SLC25A48: variants seen among roughly 807,000 people sequenced by gnomAD.
The protein encoded by SLC25A48 is CTC-321K16.1.
SLC25A48 carries 29 observed loss-of-function variants against 32.2 expected under a neutral mutation model. The observed-to-expected ratio is 0.90, with a 90% CI of 0.67 to 1.23. The LOEUF (loss-of-function observed/expected upper bound fraction) is 1.23. SLC25A48 is among the 50% of genes most tolerant of loss of function. The pLI is 0.00. For missense variants in SLC25A48, 399 were observed against 422.7 expected (o/e 0.94, Z 0.49); for synonymous variants, 164 against 172.3 (o/e 0.95, Z 0.38).
At position 135,780,288 on chromosome 5, in the gene SLC25A48, G is replaced by A. The variant is rs1341436668; in HGVS notation, c.-520-32235G>A. Among the ~76,000 whole-genome samples the A allele has an allele frequency of 1.8e-5, 2 of 111,698 alleles. 1 individual carries two copies. The highest frequency in any genetic ancestry group is 5.4e-5 in the African/African-American group (2 of 37,052). The allele number at this position is 111,698 out of a possible 152,430, so 73.3% of individuals were successfully genotyped here. On this transcript the variant is annotated intron_variant, in intron 3 of 10. Transcript: ENST00000646290. ...TTTTTAGTAGAGACGGGGTTTCACC[G>A]TGTTAGCCAGGATGGTCTTGATCTC...
intron 2 of SLC25A48, among the ~76,000 whole-genome samples, chr5:135,847,244 T>C (rs1201744415): frequency 1.3e-5 from 2 of 152,178 alleles, no homozygotes; most frequent in Non-Finnish European, 2.9e-5. Flanking sequence ...CCTAACACTA[T>C]GTATAGGTCA....
At chr5:135,836,380 T>C (rs531373911) in intron 1 of SLC25A48, among the ~76,000 whole-genome samples, 1 of 151,676 alleles carries the variant, frequency 6.6e-6, no homozygotes, top group East Asian at 1.9e-4. Context: ...TTGGCTTCCA[T>C]GAAATGATGG....
At chr5:135,801,309 A>T (rs1287415908) in intron 3 of SLC25A48, among the ~76,000 whole-genome samples, 1 of 150,958 alleles carries the variant, frequency 6.6e-6, no homozygotes, top group African/African-American at 2.4e-5. Context: ...CAGGGGGTGT[A>T]TACTCCCCTG....
At chr5:135,818,372 T>C (rs946094699) in intron 4 of SLC25A48, among the ~76,000 whole-genome samples, 26 of 152,158 alleles carry the variant, frequency 1.7e-4, no homozygotes, top group African/African-American at 6.3e-4. Flanking sequence ...GAGTTATGCA[T>C]GAGTGGGATA....
chr5:135,598,706 CAT>C (rs1454353164), intron 1 of SLC25A48, among the ~76,000 whole-genome samples: 20 of 152,268 alleles, frequency 1.3e-4, no homozygotes, highest in African/African-American at 2.9e-4. Context: ...GACACACACA[CAT>C]GTGTAGTAAG....
chr5:135,583,491 C>A (rs1484320302), intron 1 of SLC25A48, among the ~76,000 whole-genome samples: 1 of 151,884 alleles, frequency 6.6e-6, no homozygotes, highest in East Asian at 1.9e-4. Context: ...GAAGAGGAGT[C>A]CTTTTTACTT....
chr5:135,838,066 C>T (rs568588077), intron 1 of SLC25A48, among the ~76,000 whole-genome samples: 3 of 152,244 alleles, frequency 2.0e-5, no homozygotes, highest in East Asian at 3.9e-4. Context: ...GTGATATGGA[C>T]AATGAAGTCC....
At chr5:135,779,507 TTGC>T (rs1756667097) in intron 3 of SLC25A48, among the ~76,000 whole-genome samples, 1 of 122,228 alleles carries the variant, frequency 8.2e-6, no homozygotes, top group Non-Finnish European at 2.0e-5. Flanking sequence ...ACTCCCAATA[TTGC>T]AGGGGGTGTA....
chr5:135,761,850 C>T (rs1561480353), intron 3 of SLC25A48, among the ~76,000 whole-genome samples: 1 of 152,180 alleles, frequency 6.6e-6, no homozygotes, highest in Non-Finnish European at 1.5e-5. Flanking sequence ...CCCCACTTGG[C>T]CTCCCACACT....
intron 5 of SLC25A48, chr5:135,871,974 G>T: frequency 7.2e-7 from 1 of 1,380,742 alleles, no homozygotes. Context: ...CATACTCTGT[G>T]TCAGGCATTA....
chr5:135,802,795 G>A (rs1757366704), intron 3 of SLC25A48, among the ~76,000 whole-genome samples: 1 of 150,650 alleles, frequency 6.6e-6, no homozygotes, highest in Admixed American at 6.6e-5. Flanking sequence ...AGTACACCCT[G>A]TGATATTATT....
At chr5:135,879,938 C>A (rs1386746232) in intron 6 of SLC25A48, 30 bp from the exon 7 acceptor site, 1 of 1,535,618 alleles carries the variant, frequency 6.5e-7, no homozygotes, top group South Asian at 1.2e-5. Flanking sequence ...GTGGGTCAGT[C>A]CCCTGCAATA....
At chr5:135,864,647 G>T (rs1325904193) in intron 4 of SLC25A48, among the ~76,000 whole-genome samples, 1 of 152,196 alleles carries the variant, frequency 6.6e-6, no homozygotes, top group Admixed American at 6.5e-5. Flanking sequence ...CAAGCATATG[G>T]CCATGCAGTT....
chr5:135,681,338 G>A (rs913500534), intron 3 of SLC25A48, among the ~76,000 whole-genome samples: 3 of 152,142 alleles, frequency 2.0e-5, no homozygotes, highest in African/African-American at 7.2e-5. Flanking sequence ...CTTCAGCAGT[G>A]TCTAATTTTC....
At chr5:135,808,002 C>A (rs573373608) in intron 3 of SLC25A48, among the ~76,000 whole-genome samples, 5 of 149,786 alleles carry the variant, frequency 3.3e-5, no homozygotes, top group Non-Finnish European at 7.4e-5. Flanking sequence ...TACATATTTT[C>A]TTAATATCAT....
intron 1 of SLC25A48, among the ~76,000 whole-genome samples, chr5:135,838,076 C>G (rs1302644388): frequency 2.6e-5 from 4 of 152,286 alleles, no homozygotes; most frequent in African/African-American, 9.6e-5. Flanking sequence ...CAATGAAGTC[C>G]TGGTTGTGAT....
At chr5:135,779,113 A>G (rs995389931) in intron 3 of SLC25A48, among the ~76,000 whole-genome samples, 3 of 151,778 alleles carry the variant, frequency 2.0e-5, no homozygotes, top group Non-Finnish European at 4.4e-5. Context: ...AGAGGATTAT[A>G]TTAATCCCAA....
At chr5:135,640,924 T>G (rs1481242502) in intron 3 of SLC25A48, among the ~76,000 whole-genome samples, 1 of 152,172 alleles carries the variant, frequency 6.6e-6, no homozygotes, top group East Asian at 1.9e-4. Flanking sequence ...ATTTTTCCCC[T>G]AAGATCAGGA....
intron 3 of SLC25A48, among the ~76,000 whole-genome samples, chr5:135,670,744 C>T (rs552761152): frequency 1.3e-5 from 2 of 152,230 alleles, no homozygotes; most frequent in African/African-American, 4.8e-5. Context: ...TGCGAGTCTC[C>T]TGGAAGAAGT....
Sources: allele counts gnomAD v4.1 joint callset (sites outside exome capture counted in the v4.1 genomes callset), GRCh38; gene constraint gnomAD v4.1.1; transcripts MANE v1.5; gene names NCBI Gene and HGNC (gene_info 2026-07-23, HGNC 2026-07-21).